MAGI1: variants seen among roughly 807,000 people sequenced by gnomAD.
MAGI1 encodes membrane-associated guanylate kinase, WW and PDZ domain-containing protein 1.
MAGI1 carries 58 observed loss-of-function variants against 139.9 expected under a neutral mutation model. The ratio of observed to expected loss-of-function variants is 0.41; its 90% CI spans 0.34 to 0.52. MAGI1 has a LOEUF of 0.52. Among genes scored for constraint, MAGI1 ranks in the 20% least tolerant of loss-of-function variants. MAGI1 has a pLI of 0.12. For missense variants in MAGI1, 1,874 were observed against 1,901.6 expected, an observed-to-expected ratio of 0.99 and a Z score of 0.27; for synonymous variants, 812 against 737.9, an observed-to-expected ratio of 1.10 and a Z score of -1.63.
At chr3:65,407,592 T>C (rs1244208667) in intron 12 of MAGI1, among the ~76,000 whole-genome samples, 2 of 152,000 alleles carry the variant, frequency 1.3e-5, no homozygotes, top group Non-Finnish European at 2.9e-5. Flanking sequence ...GAAATAATAA[T>C]GATATAAGAC....
At chr3:65,831,875 G>C (rs1212954621) in intron 1 of MAGI1, among the ~76,000 whole-genome samples, 1 of 152,176 alleles carries the variant, frequency 6.6e-6, no homozygotes, top group East Asian at 1.9e-4. Flanking sequence ...CCACATATGT[G>C]GGCCACAAGG....
intron 12 of MAGI1, among the ~76,000 whole-genome samples, chr3:65,412,909 C>G (rs1240488399): frequency 1.3e-5 from 2 of 152,116 alleles, no homozygotes; most frequent in Non-Finnish European, 2.9e-5. Context: ...ACACCAAACC[C>G]TATAAGCTCC....
rs1940138449 is a variant in MAGI1, at chr3:65,354,964, C to T, written c.*1414G>A. The T allele has an allele frequency of 6.7e-6, 1 of 149,192 alleles. No individual in the cohort carries two copies. Among genetic ancestry groups the T allele is most frequent in the Admixed American group, 6.8e-5 (1 of 14,776 alleles). The allele number at this position is 149,192 out of a possible 1,614,324, so 9.2% of individuals were successfully genotyped here. On this transcript the variant is annotated 3_prime_UTR_variant, in exon 23 of 23. Transcript: ENST00000402939. Reference sequence around the variant, plus strand: ...GATTGACTTGCAAAGTTTTCTGTCTCTATGGAAAATGCAAAACAGTACTAC... The same window carrying T: ...GATTGACTTGCAAAGTTTTCTGTCTTTATGGAAAATGCAAAACAGTACTAC...
intron 2 of MAGI1, among the ~76,000 whole-genome samples, chr3:65,572,687 C>T (rs2081011665): frequency 6.6e-6 from 1 of 152,002 alleles, no homozygotes. Context: ...TTATGATATG[C>T]TGTTTTCCTT....
intron 1 of MAGI1, among the ~76,000 whole-genome samples, chr3:65,946,602 T>G (rs757220599): frequency 7.2e-5 from 11 of 151,998 alleles, no homozygotes; most frequent in Admixed American, 3.3e-4. Context: ...TTCAGTGAGC[T>G]GCTGGTTATG....
chr3:65,578,739 G>T (rs1290220563), intron 2 of MAGI1, among the ~76,000 whole-genome samples: 1 of 152,136 alleles, frequency 6.6e-6, no homozygotes, highest in Non-Finnish European at 1.5e-5. Context: ...GGCCAATATG[G>T]TGAAACCCCA....
intron 2 of MAGI1, among the ~76,000 whole-genome samples, chr3:65,497,920 C>T (rs1576027875): frequency 6.6e-6 from 1 of 152,270 alleles, no homozygotes; most frequent in South Asian, 2.1e-4. Context: ...ACCCACAAAA[C>T]GTTCAGGGTT....
chr3:65,456,664 G>C (rs1949410735), intron 5 of MAGI1, among the ~76,000 whole-genome samples: 2 of 152,072 alleles, frequency 1.3e-5, no homozygotes, highest in African/African-American at 2.4e-5. Flanking sequence ...TTACATTTCA[G>C]AGTCTGAATT....
chr3:65,712,572 G>A (rs1191392432), intron 1 of MAGI1, among the ~76,000 whole-genome samples: 2 of 151,914 alleles, frequency 1.3e-5, no homozygotes, highest in Admixed American at 6.6e-5. Context: ...GAGTGCAGCA[G>A]CGTGATCTCA....
chr3:66,010,350 T>C (rs1222131379), intron 1 of MAGI1, among the ~76,000 whole-genome samples: 2 of 152,224 alleles, frequency 1.3e-5, no homozygotes, highest in African/African-American at 2.4e-5. Context: ...AATATGCATA[T>C]CCCTAGGCAA....
intron 4 of MAGI1, among the ~76,000 whole-genome samples, chr3:65,471,442 T>C (rs1451793983): frequency 6.6e-6 from 1 of 152,194 alleles, no homozygotes; most frequent in African/African-American, 2.4e-5. Context: ...TTTTCAAAGC[T>C]TTCTCTGATG....
Position 65,796,050 on chromosome 3 carries a change from C to CAA in MAGI1, c.314-173964_314-173963dup, listed in dbSNP as rs35663778. Among the ~76,000 whole-genome samples the CAA allele has an allele frequency of 1.6e-3, 169 of 102,906 alleles. 1 individual carries two copies. The highest frequency in any genetic ancestry group is 6.8e-3 in the East Asian group (26 of 3,840). The allele number at this position is 102,906 out of a possible 152,430, so 67.5% of individuals were successfully genotyped here. A position where few individuals can be genotyped will look rare whatever the true frequency, so the allele number is the denominator to read the frequency against. On this transcript the variant is annotated intron_variant, in intron 1 of 22. Transcript: ENST00000402939. ...TGGGTGACAGACTGAGACTCTGTCTCAAAAAAAAAAAAAAAAAAAAGAAAA... is the reference window on the plus strand; with the variant it reads ...TGGGTGACAGACTGAGACTCTGTCTCAAAAAAAAAAAAAAAAAAAAAAGAAAA...
At chr3:65,955,046 A>C (rs1239630619) in intron 1 of MAGI1, among the ~76,000 whole-genome samples, 1 of 152,226 alleles carries the variant, frequency 6.6e-6, no homozygotes, top group Non-Finnish European at 1.5e-5. Flanking sequence ...ATCAGAGCCC[A>C]GCAGTTTTAA....
At chr3:65,950,722 G>A (rs1251655385) in intron 1 of MAGI1, among the ~76,000 whole-genome samples, 4 of 152,030 alleles carry the variant, frequency 2.6e-5, no homozygotes, top group South Asian at 2.1e-4. Context: ...CCCACTGGTC[G>A]GCAAAAGCCA....
intron 1 of MAGI1, among the ~76,000 whole-genome samples, chr3:65,813,542 G>A (rs1391904445): frequency 6.6e-6 from 1 of 152,174 alleles, no homozygotes; most frequent in Non-Finnish European, 1.5e-5. Context: ...TAATGGTGGG[G>A]ATATAGAAAA....
intron 1 of MAGI1, among the ~76,000 whole-genome samples, chr3:65,939,618 G>A (rs1304426822): frequency 6.6e-6 from 1 of 152,164 alleles, no homozygotes; most frequent in African/African-American, 2.4e-5. Flanking sequence ...AGTGTCATAG[G>A]CTATATAAAA....
At chr3:65,751,898 A>G (rs532756036) in intron 1 of MAGI1, among the ~76,000 whole-genome samples, 2 of 152,308 alleles carry the variant, frequency 1.3e-5, no homozygotes, top group East Asian at 3.9e-4. Flanking sequence ...TTATGGAAGA[A>G]CTTTTTAAAA....
At chr3:65,696,384 C>A (rs2089189256) in intron 1 of MAGI1, among the ~76,000 whole-genome samples, 5 of 152,130 alleles carry the variant, frequency 3.3e-5, no homozygotes, top group Non-Finnish European at 7.4e-5. Flanking sequence ...CATCCAATAC[C>A]TTTATATTGG....
chr3:65,629,011 A>T (rs1054539321), intron 1 of MAGI1, among the ~76,000 whole-genome samples: 3 of 152,126 alleles, frequency 2.0e-5, no homozygotes, highest in East Asian at 1.9e-4. Flanking sequence ...TATGGTATAA[A>T]TTTTTCTTGC....
Sources: allele counts gnomAD v4.1 joint callset (sites outside exome capture counted in the v4.1 genomes callset), GRCh38; gene constraint gnomAD v4.1.1; transcripts MANE v1.5; gene names NCBI Gene and HGNC (gene_info 2026-07-23, HGNC 2026-07-21).